Variants in CLCNKA observed in about 807,000 individuals in gnomAD.
CLCNKA encodes the protein chloride channel protein ClC-Ka.
CLCNKA carries 66 observed loss-of-function variants against 83.3 expected under a neutral mutation model. That is an observed-to-expected ratio of 0.79 (90% CI 0.65 to 0.97). The LOEUF (loss-of-function observed/expected upper bound fraction) is 0.97, where lower values mean the gene tolerates loss of function less well. Among genes scored for constraint, CLCNKA ranks in the 50% least tolerant of loss-of-function variants. CLCNKA has a pLI of 0.00. For synonymous variants in CLCNKA, 357 were observed against 370.4 expected (o/e 0.96, Z 0.42); for missense variants, 806 against 888.7 (o/e 0.91, Z 1.18).
chr1:16,030,188 C>A (rs149145058), intron 14 of CLCNKA, 113 bp downstream of exon 14: 1 of 797,638 alleles, frequency 1.3e-6, no homozygotes, highest in East Asian at 2.7e-5. Context: ...CTCCAGTGAA[C>A]CCCCTACCCC....
chr1:16,033,183 T>C lies in CLCNKA; in HGVS notation c.1943T>C (p.Phe648Ser), dbSNP rs751723688. The C allele has an allele frequency of 6.2e-6, 10 of 1,613,992 alleles. No individual in the cohort carries two copies. The highest frequency in any genetic ancestry group is 7.6e-6 in the Non-Finnish European group (9 of 1,179,992). Residue 648 changes from phenylalanine (F) to serine (S), a missense_variant, in exon 19 of 20, where the codon TTT becomes TCT. Transcript: ENST00000331433. ...TCCCCCATCCAGGCACAAAACCTCTTTAAGCTGTTGAACCTTCAGTCCCTC... is the reference window on the plus strand; with the variant it reads ...TCCCCCATCCAGGCACAAAACCTCTCTAAGCTGTTGAACCTTCAGTCCCTC... ...ETTLHQAQNL[F>S]KLLNLQSLFV...
intron 2 of CLCNKA, 74 bp downstream of exon 2, chr1:16,022,793 C>G: frequency 9.1e-7 from 1 of 1,100,662 alleles, no homozygotes. Context: ...CCCACCCCAC[C>G]TCTCTGCCCA....
intron 4 of CLCNKA, 42 bp downstream of exon 4, chr1:16,024,933 T>G (rs1202115797): frequency 1.4e-5 from 23 of 1,612,102 alleles, no homozygotes; most frequent in East Asian, 4.5e-5. Flanking sequence ...TGCCAAAACC[T>G]TCTCAGATCC....
chr1:16,028,974 A>C, intron 11 of CLCNKA, 129 bp downstream of exon 11: 1 of 1,500,090 alleles, frequency 6.7e-7, no homozygotes, highest in Non-Finnish European at 9.2e-7. Context: ...AGATAAGGAG[A>C]CCATGGCTCT....
rs1409529961 is a variant in CLCNKA at position 16,022,731 on chromosome 1, G to C, written c.100+12G>C. Reference sequence around the variant, plus strand: ...CCGAGCCATCCAAGGTGAGAGCCAGGTCCTCTTCCCTACCCGCGGGGGACC... The same window carrying C: ...CCGAGCCATCCAAGGTGAGAGCCAGCTCCTCTTCCCTACCCGCGGGGGACC... On this transcript the variant is annotated intron_variant, in intron 2 of 19. Coordinates refer to ENST00000331433, the MANE Select transcript of CLCNKA (RefSeq NM_004070.4). 1.3e-6 allele frequency: 2 copies of C among 1,510,180 alleles called. No homozygotes were observed. The highest frequency in any genetic ancestry group is 1.7e-4 in the Middle Eastern group (1 of 5,762). The allele number at this position is 1,510,180 out of a possible 1,614,324, so 93.5% of individuals were successfully genotyped here.
At chr1:16,030,427 G>C (rs1219891797) in intron 14 of CLCNKA, 34 bp from the exon 15 acceptor site, 1 of 1,611,032 alleles carries the variant, frequency 6.2e-7, no homozygotes, top group East Asian at 2.2e-5. Context: ...CTGCCTCCTG[G>C]CCTGAGCCGA....
At position 16,026,752 on chromosome 1, in the gene CLCNKA, C is replaced by T. The variant is rs759964930; in HGVS notation, c.632C>T (p.Thr211Ile). Residue 211 changes from threonine (T) to isoleucine (I), a missense_variant, in exon 7 of 20, where the codon ACA becomes ATA. Coordinates refer to ENST00000331433, the MANE Select transcript of CLCNKA (RefSeq NM_004070.4). The part of the protein sequence containing the change: ...LVAAAAVGVA[T>I]VFAAPFSGVL... ...GCAGCGGCGGCAGTGGGCGTGGCCA[C>T]AGTCTTTGCAGCTCCCTTCAGCGGT... 5 of 1,613,474 alleles carry T rather than the reference C, an allele frequency of 3.1e-6. No homozygotes were observed. Among genetic ancestry groups the T allele is most frequent in the Middle Eastern group, 1.7e-4 (1 of 6,024 alleles).
At chr1:16,028,510 C>G in intron 10 of CLCNKA, 1 of 657,956 alleles carries the variant, frequency 1.5e-6, no homozygotes, top group South Asian at 1.7e-5. Context: ...TGCCTCTGCC[C>G]CAATTCTCCT....
Position 16,026,517 on chromosome 1 carries a change from C to T in CLCNKA, c.499-19C>T, listed in dbSNP as rs1309492808. ...ACTGTCTCTGCTGCCCTCACCTGGGCCCACCCTTCCCTCTGCAGGGCCCTT... is the reference window on the plus strand; with the variant it reads ...ACTGTCTCTGCTGCCCTCACCTGGGTCCACCCTTCCCTCTGCAGGGCCCTT... On this transcript the variant is annotated intron_variant, in intron 5 of 19. Transcript: ENST00000331433. The T allele has an allele frequency of 7.4e-6, 12 of 1,613,654 alleles. No individual in the cohort carries two copies. The African/African-American group carries it at 1.1e-4, about 14-fold the overall frequency.
chr1:16,028,905 A>C (rs2022497233), intron 11 of CLCNKA, 60 bp downstream of exon 11: 2 of 1,584,950 alleles, frequency 1.3e-6, no homozygotes, highest in Non-Finnish European at 1.7e-6. Context: ...TCCCCTTTGC[A>C]TGTGTCTCAC....
intron 7 of CLCNKA, among the ~76,000 whole-genome samples, 169 bp from the exon 8 acceptor site, chr1:16,027,141 G>A (rs1368712384): frequency 5.9e-5 from 9 of 152,184 alleles, no homozygotes; most frequent in Non-Finnish European, 1.2e-4. Context: ...TGGGCAGCGG[G>A]GTCCTCCCCG....
intron 4 of CLCNKA, 141 bp downstream of exon 4, chr1:16,025,032 C>T (rs2022293851): frequency 8.9e-7 from 1 of 1,125,590 alleles, no homozygotes; most frequent in Admixed American, 1.9e-5. Flanking sequence ...AGGCACACAG[C>T]AAGAAGGCCA....
rs1050590412 is a variant in CLCNKA, at chr1:16,032,472, C to T, written c.1875C>T (p.Gly625=). The change falls in exon 18 of 20, where the codon GGC becomes GGT. Residue 625 remains glycine (G), a synonymous_variant. Transcript: ENST00000331433. ...QQCLQDILAR[G]CPTEPVTLTL... Reference sequence around the variant, plus strand: ...GTCTCCAGGACATCTTGGCCAGGGGCTGCCCCACGGAACCAGTGACCCTGA... The same window carrying T: ...GTCTCCAGGACATCTTGGCCAGGGGTTGCCCCACGGAACCAGTGACCCTGA... 6.2e-7 allele frequency: 1 copy of T among 1,613,256 alleles called. No homozygotes were observed. Among genetic ancestry groups the T allele is most frequent in the East Asian group, 2.2e-5 (1 of 44,886 alleles).
At chr1:16,033,111 C>A in intron 18 of CLCNKA, 59 bp from the exon 19 acceptor site, 2 of 1,562,760 alleles carry the variant, frequency 1.3e-6, no homozygotes, top group Non-Finnish European at 1.8e-6. Context: ...GCAGAGTGGG[C>A]CAGAGGGTGG....
At chr1:16,026,341 C>T (rs1284295236) in intron 5 of CLCNKA, 94 bp downstream of exon 5, 16 of 1,532,132 alleles carry the variant, frequency 1.0e-5, no homozygotes, top group Non-Finnish European at 1.2e-5. Context: ...TCAGAGCAGA[C>T]TCAGGCCAGT....
At chr1:16,030,239 G>A (rs1274572786) in intron 14 of CLCNKA, among the ~76,000 whole-genome samples, 164 bp downstream of exon 14, 1 of 152,118 alleles carries the variant, frequency 6.6e-6, no homozygotes, top group Non-Finnish European at 1.5e-5. Flanking sequence ...CATTCCCCGG[G>A]GCCCATCACT....
intron 2 of CLCNKA, 76 bp downstream of exon 2, chr1:16,022,795 C>G: frequency 9.3e-7 from 1 of 1,073,622 alleles, no homozygotes; most frequent in South Asian, 1.9e-5. Context: ...CACCCCACCT[C>G]TCTGCCCAGG....
rs772775558 is a variant in CLCNKA at position 16,024,894 on chromosome 1, G to T, written c.358+3G>T. 1 of 1,614,100 alleles carries T rather than the reference G, an allele frequency of 6.2e-7. No individual in the cohort carries two copies. Among genetic ancestry groups the T allele is most frequent in the Non-Finnish European group, 8.5e-7 (1 of 1,180,008 alleles). On this transcript the variant is annotated splice_donor_region_variant and intron_variant, in intron 4 of 19. Coordinates refer to ENST00000331433, the MANE Select transcript of CLCNKA (RefSeq NM_004070.4). The stretch of plus-strand genomic sequence containing the variant: ...GAGCATCACGCCCTCCTCTGGAGGT[G>T]AGTCCACGGTCGCCATGCCAGTCCC...
At chr1:16,024,028 C>A in intron 3 of CLCNKA, 100 bp downstream of exon 3, 2 of 1,462,392 alleles carry the variant, frequency 1.4e-6, no homozygotes, top group Non-Finnish European at 1.9e-6. Flanking sequence ...AGGGACGGAC[C>A]TGGGTGCGGG....
Sources: gnomAD v4.1 joint callset for allele counts (sites outside exome capture counted in the v4.1 genomes callset) on GRCh38, gnomAD v4.1.1 for gene constraint, MANE v1.5 for transcripts, NCBI Gene and HGNC (gene_info 2026-07-23, HGNC 2026-07-21) for gene names.